The following ADGRV1 variants were observed in gnomAD, a reference collection of about 807,000 sequenced individuals.
The protein encoded by ADGRV1 is G-protein coupled receptor 98.
A neutral mutation model predicts 596.2 loss-of-function variants in ADGRV1; 359 were observed. The observed-to-expected ratio is 0.60, with a 90% CI of 0.55 to 0.66. The LOEUF is 0.66. ADGRV1 is among the 30% of genes least tolerant of loss of function. ADGRV1 has a pLI of 0.00. For missense variants in ADGRV1, 7,274 were observed against 7,575.6 expected (o/e 0.96, Z 1.48); for synonymous variants, 2,681 against 2,679.2 (o/e 1.00, Z -0.02).
At chr5:90,983,059 T>C in intron 84 of ADGRV1, among the ~76,000 whole-genome samples, 1 of 152,236 alleles carries the variant, frequency 6.6e-6, no homozygotes, top group Non-Finnish European at 1.5e-5. Context: ...TTAAAAATGA[T>C]ATATTATGGG....
intron 60 of ADGRV1, among the ~76,000 whole-genome samples, chr5:90,776,005 G>T (rs532032323): frequency 1.6e-4 from 24 of 152,020 alleles, no homozygotes; most frequent in Non-Finnish European, 2.4e-4. Flanking sequence ...TTTGACACAG[G>T]TTTATAAATG....
intron 44 of ADGRV1, among the ~76,000 whole-genome samples, chr5:90,720,480 C>G (rs1039459330): frequency 1.3e-5 from 2 of 152,052 alleles, no homozygotes; most frequent in African/African-American, 4.8e-5. Flanking sequence ...AGGTAAAGGT[C>G]TGTACTATTT....
chr5:90,689,127 AT>A lies in ADGRV1; in HGVS notation c.6491-733del, dbSNP rs1253221284. Among the ~76,000 whole-genome samples the A allele has an allele frequency of 2.0e-5, 3 of 152,266 alleles. No individual in the cohort carries two copies. The East Asian group carries it at 5.8e-4, about 29-fold the overall frequency. On this transcript the variant is annotated intron_variant, in intron 29 of 89. Transcript: ENST00000405460. ...GGGATACTGTGCTTGATTTAAAAAA[AT>A]AAATCATCTGGCCATAATACTTGCT...
intron 89 of ADGRV1, among the ~76,000 whole-genome samples, chr5:91,154,748 C>T (rs1796332619): frequency 6.6e-6 from 1 of 152,148 alleles, no homozygotes; most frequent in East Asian, 1.9e-4. Context: ...GAAGCAGGCA[C>T]CTTCTTCACA....
chr5:90,871,354 A>C (rs1398143527), intron 83 of ADGRV1, among the ~76,000 whole-genome samples: 1 of 152,140 alleles, frequency 6.6e-6, no homozygotes, highest in East Asian at 1.9e-4. Flanking sequence ...AAAGTCTCTT[A>C]ATAATAAAAT....
At position 90,918,900 on chromosome 5, in the gene ADGRV1, G is replaced by T. The variant is rs569259234; in HGVS notation, c.17857-46515G>T. Among the ~76,000 whole-genome samples the T allele has an allele frequency of 3.9e-5, 6 of 152,150 alleles. No individual in the cohort carries two copies. In the South Asian group the frequency reaches 1.2e-3, roughly 32 times the overall value. On this transcript the variant is annotated intron_variant, in intron 83 of 89. Coordinates refer to ENST00000405460, the MANE Select transcript of ADGRV1 (RefSeq NM_032119.4). ...TTAATTGTGTCTGTCCTTGGTTTAGGAATTCACAGTGTGCATAACCCAGAG... is the reference window on the plus strand; with the variant it reads ...TTAATTGTGTCTGTCCTTGGTTTAGTAATTCACAGTGTGCATAACCCAGAG...
intron 83 of ADGRV1, among the ~76,000 whole-genome samples, chr5:90,897,344 C>G (rs1339175822): frequency 6.6e-6 from 1 of 151,814 alleles, no homozygotes; most frequent in Non-Finnish European, 1.5e-5. Context: ...GATTTTTTAC[C>G]CTTACCTGCT....
chr5:91,092,459 G>C (rs1790468190), intron 86 of ADGRV1, among the ~76,000 whole-genome samples: 1 of 152,154 alleles, frequency 6.6e-6, no homozygotes, highest in Non-Finnish European at 1.5e-5. Context: ...GAATGTGATA[G>C]AACTTCAGGT....
At chr5:90,682,106 T>C (rs887945229) in intron 27 of ADGRV1, among the ~76,000 whole-genome samples, 6 of 152,090 alleles carry the variant, frequency 3.9e-5, no homozygotes, top group Non-Finnish European at 8.8e-5. Flanking sequence ...CCTCAGGTGA[T>C]CCACCCGCCT....
At chr5:90,878,463 A>C (rs1033351153) in intron 83 of ADGRV1, among the ~76,000 whole-genome samples, 6 of 152,230 alleles carry the variant, frequency 3.9e-5, no homozygotes, top group African/African-American at 1.4e-4. Flanking sequence ...GCTAACGTTA[A>C]GTGGTTTAGA....
chr5:90,881,077 A>G (rs907095245), intron 83 of ADGRV1, among the ~76,000 whole-genome samples: 1 of 152,180 alleles, frequency 6.6e-6, no homozygotes, highest in African/African-American at 2.4e-5. Flanking sequence ...AGTACATTTT[A>G]ATAAAACCAG....
intron 83 of ADGRV1, among the ~76,000 whole-genome samples, chr5:90,947,962 T>A (rs1776737827): frequency 2.0e-5 from 3 of 152,052 alleles, no homozygotes; most frequent in Admixed American, 2.0e-4. Context: ...ACAAAAGAAG[T>A]CTTTGGCAAA....
rs558804189 is a variant in ADGRV1, at chr5:90,643,816, A to G, written c.2567A>G (p.Tyr856Cys). The G allele has an allele frequency of 6.2e-6, 10 of 1,607,380 alleles. No homozygotes were observed. In the African/African-American group the frequency reaches 1.3e-4, roughly 21 times the overall value. Reference protein sequence around the residue: ...LDGIPELDEHYWVVLSSHGER... With the variant: ...LDGIPELDEHCWVVLSSHGER... ...CATTCACTTTAGTTGGATGAACACT[A>G]CTGGGTGGTCCTCAGCAGCCACGGA... The change falls in exon 14 of 90, where the codon TAC becomes TGC. Residue 856 changes from tyrosine to cysteine, a missense_variant. Tyr to Cys is a radical substitution (Grantham distance 194, BLOSUM62 -2). Around this residue, in one of 5 missense-constraint regions of ADGRV1, gnomAD observed 1,715 missense variants for 1,708.8 expected, o/e 1.00. Transcript: ENST00000405460.
At chr5:91,022,362 G>A (rs1783711510) in intron 85 of ADGRV1, among the ~76,000 whole-genome samples, 1 of 152,002 alleles carries the variant, frequency 6.6e-6, no homozygotes, top group Non-Finnish European at 1.5e-5. Flanking sequence ...TCGTGTCAGT[G>A]GAGCCCAAAT....
At chr5:90,931,015 A>T (rs1775198232) in intron 83 of ADGRV1, 1 of 152,186 alleles carries the variant, frequency 6.6e-6, no homozygotes, top group Admixed American at 6.5e-5. Flanking sequence ...CACTTTGTTC[A>T]TCCCAAGGTG....
At chr5:90,647,351 T>G (rs1767931151) in intron 16 of ADGRV1, 147 bp from the exon 17 acceptor site, 1 of 645,956 alleles carries the variant, frequency 1.5e-6, no homozygotes, top group Non-Finnish European at 2.5e-6. Context: ...AGGGTAGTCA[T>G]GTCAGAGTTG....
At chr5:91,005,027 T>G (rs1215091561) in intron 85 of ADGRV1, among the ~76,000 whole-genome samples, 1 of 152,178 alleles carries the variant, frequency 6.6e-6, no homozygotes, top group Non-Finnish European at 1.5e-5. Context: ...AGTACAGACA[T>G]ATTTTTTAAA....
chr5:90,766,839 T>C (rs1369644019), intron 59 of ADGRV1, among the ~76,000 whole-genome samples: 2 of 152,158 alleles, frequency 1.3e-5, no homozygotes, highest in African/African-American at 4.8e-5. Flanking sequence ...CACTGTAGGA[T>C]GCGATTTTTC....
At chr5:90,977,858 G>A (rs1779745184) in intron 84 of ADGRV1, among the ~76,000 whole-genome samples, 1 of 152,118 alleles carries the variant, frequency 6.6e-6, no homozygotes, top group African/African-American at 2.4e-5. Context: ...AATTCCAATA[G>A]CCTGAATTAC....
Sources: allele counts gnomAD v4.1 joint callset (sites outside exome capture counted in the v4.1 genomes callset), GRCh38; gene constraint gnomAD v4.1.1; regional missense constraint gnomAD v4.1.1; transcripts MANE v1.5; gene names NCBI Gene and HGNC (gene_info 2026-07-23, HGNC 2026-07-21).